The following ABTB3 variants were observed in gnomAD, a reference collection of about 807,000 sequenced individuals.
ABTB3 encodes ankyrin repeat- and BTB/POZ domain-containing protein 3.
chr12:107,425,796 C>T, the ABTB3 span, among the ~76,000 whole-genome samples: 4 of 152,220 alleles, frequency 2.6e-5, no homozygotes, highest in South Asian at 2.1e-4. Flanking sequence ...AGCTAGCACA[C>T]GGCCAGGCAC....
At chr12:107,621,934 TAGTC>T in the ABTB3 span, among the ~76,000 whole-genome samples, 3 of 152,330 alleles carry the variant, frequency 2.0e-5, no homozygotes, top group African/African-American at 4.8e-5. Context: ...CATCGTTTAA[TAGTC>T]AGTCATTTGA....
At chr12:107,468,986 T>A in the ABTB3 span, among the ~76,000 whole-genome samples, 1 of 152,098 alleles carries the variant, frequency 6.6e-6, no homozygotes, top group Non-Finnish European at 1.5e-5. Context: ...GTTCGATAAA[T>A]AACACCTGTC....
the ABTB3 span, among the ~76,000 whole-genome samples, chr12:107,339,419 C>G: frequency 4.6e-5 from 7 of 152,160 alleles, no homozygotes; most frequent in Non-Finnish European, 1.0e-4. Flanking sequence ...TGTGTTTTTA[C>G]TCTGCTAAAA....
At chr12:107,633,448 G>A in the ABTB3 span, among the ~76,000 whole-genome samples, 3 of 152,268 alleles carry the variant, frequency 2.0e-5, no homozygotes, top group East Asian at 1.9e-4. Flanking sequence ...CTGCAAAGTC[G>A]CTTTTGCCAT....
the ABTB3 span, among the ~76,000 whole-genome samples, chr12:107,548,260 G>C: frequency 6.6e-6 from 1 of 152,176 alleles, no homozygotes; most frequent in African/African-American, 2.4e-5. Context: ...GACAAAGTCA[G>C]GTAGGGCCAT....
At chr12:107,618,419 C>G in the ABTB3 span, 1 of 1,534,280 alleles carries the variant, frequency 6.5e-7, no homozygotes, top group South Asian at 1.2e-5. Flanking sequence ...CATGGTGCCC[C>G]CAGCTTTAGG....
chr12:107,601,426 A>C, the ABTB3 span, among the ~76,000 whole-genome samples: 1 of 146,024 alleles, frequency 6.8e-6, no homozygotes, highest in Non-Finnish European at 1.5e-5. Flanking sequence ...TGTGAAACAC[A>C]ATAAGCACGT....
At chr12:107,631,729 A>C in the ABTB3 span, among the ~76,000 whole-genome samples, 3 of 152,162 alleles carry the variant, frequency 2.0e-5, no homozygotes, top group Non-Finnish European at 4.4e-5. Flanking sequence ...AATATGCCTG[A>C]TGTTTTTCTC....
chr12:107,321,623 A>C, the ABTB3 span, among the ~76,000 whole-genome samples: 2 of 90,316 alleles, frequency 2.2e-5, no homozygotes, highest in Non-Finnish European at 2.3e-5. Context: ...ACACACACAC[A>C]CACACACATC....
chr12:107,451,761 C>T, the ABTB3 span, among the ~76,000 whole-genome samples: 1 of 152,036 alleles, frequency 6.6e-6, no homozygotes, highest in Admixed American at 6.5e-5. Flanking sequence ...TGCTAGGATG[C>T]TTCTCCCCTT....
the ABTB3 span, among the ~76,000 whole-genome samples, chr12:107,354,788 C>T: frequency 6.6e-6 from 1 of 152,128 alleles, no homozygotes; most frequent in Admixed American, 6.5e-5. Context: ...TTGATTATAG[C>T]CATCCTCGTG....
At chr12:107,531,008 G>A in the ABTB3 span, among the ~76,000 whole-genome samples, 58 of 152,328 alleles carry the variant, frequency 3.8e-4, no homozygotes, top group African/African-American at 7.0e-4. Context: ...AATGAAGAGC[G>A]CAGACCTTAG....
At chr12:107,469,998 T>C in the ABTB3 span, among the ~76,000 whole-genome samples, 70 of 61,214 alleles carry the variant, frequency 1.1e-3, 1 homozygote, top group African/African-American at 5.5e-3. Flanking sequence ...CTTTCTTTCT[T>C]TCTTTCTTTC....
chr12:107,554,415 T>C, the ABTB3 span, among the ~76,000 whole-genome samples: 46 of 152,284 alleles, frequency 3.0e-4, no homozygotes, highest in African/African-American at 9.9e-4. Context: ...TCATTAGCTG[T>C]GTGGCCTTAA....
chr12:107,318,665 G>A, the ABTB3 span: 2 of 446,974 alleles, frequency 4.5e-6, no homozygotes, highest in South Asian at 4.7e-5. Flanking sequence ...AAAGGGGCAA[G>A]CCCCGGCGGG....
the ABTB3 span, among the ~76,000 whole-genome samples, chr12:107,337,320 A>G: frequency 2.0e-5 from 3 of 152,208 alleles, no homozygotes; most frequent in Admixed American, 1.3e-4. Context: ...TTAAAGGTGG[A>G]AAGTCCTTCC....
the ABTB3 span, among the ~76,000 whole-genome samples, chr12:107,560,187 C>G: frequency 3.3e-5 from 5 of 152,250 alleles, no homozygotes; most frequent in East Asian, 7.7e-4. Context: ...CCTAATGGCT[C>G]CAGGGTTCGT....
the ABTB3 span, chr12:107,618,250 C>G: frequency 3.1e-6 from 5 of 1,613,698 alleles, no homozygotes; most frequent in African/African-American, 6.7e-5. Flanking sequence ...ACTGACCTGG[C>G]GGAGACAGCC....
chr12:107,548,186 T>C, the ABTB3 span, among the ~76,000 whole-genome samples: 1 of 151,490 alleles, frequency 6.6e-6, no homozygotes, highest in Non-Finnish European at 1.5e-5. Flanking sequence ...CTCTCCTCTC[T>C]CCTGTGTTCT....
Sources: gnomAD v4.1 joint callset for allele counts (sites outside exome capture counted in the v4.1 genomes callset) on GRCh38, gnomAD v4.1.1 for gene constraint, MANE v1.5 for transcripts, NCBI Gene and HGNC (gene_info 2026-07-23, HGNC 2026-07-21) for gene names.